ZSCAN20: variants seen among roughly 807,000 people sequenced by gnomAD.
The protein encoded by ZSCAN20 is zinc finger and SCAN domain-containing protein 20.
Under a neutral mutation model 97.1 loss-of-function variants are expected in ZSCAN20, and 39 were observed. That is an observed-to-expected ratio of 0.40 (90% CI 0.31 to 0.52). ZSCAN20 has a LOEUF of 0.52. ZSCAN20 is among the 20% of genes least tolerant of loss of function. ZSCAN20 has a pLI of 0.49. For missense variants in ZSCAN20, 1,115 were observed against 1,290.4 expected, an observed-to-expected ratio of 0.86 and a Z score of 2.08; for synonymous variants, 456 against 467.3, an observed-to-expected ratio of 0.98 and a Z score of 0.31.
Position 33,499,632 on chromosome 1 carries a change from C to T in ZSCAN20, c.*4156C>T, listed in dbSNP as rs1032059782. ...CTGCCCATTGGACTCATCTTGGACT[C>T]AGTTCTGCCAATACTTTCTCCCTTC... On this transcript the variant is annotated 3_prime_UTR_variant, in exon 8 of 8. Transcript: ENST00000684572. Among the ~76,000 whole-genome samples the T allele has an allele frequency of 1.3e-5, 2 of 152,212 alleles. No individual in the cohort carries two copies. Among genetic ancestry groups the T allele is most frequent in the African/African-American group, 4.8e-5 (2 of 41,456 alleles).
Position 33,494,705 on chromosome 1 carries a change from T to A in ZSCAN20, c.2361T>A (p.Ile787=). Residue 787 remains isoleucine, a synonymous_variant, in exon 8 of 8, where the codon ATT becomes ATA. Transcript: ENST00000684572. The part of the protein sequence containing the change: ...DHSNLITHQR[I]HTGEKPYKCG... ...CTAATCTCATCACTCACCAGAGAAT[T>A]CACACGGGGGAAAAGCCCTATAAAT... The A allele has an allele frequency of 6.2e-7, 1 of 1,613,700 alleles. No homozygotes were observed. The highest frequency in any genetic ancestry group is 8.5e-7 in the Non-Finnish European group (1 of 1,179,926).
chr1:33,492,594 G>C (rs1287926265), intron 6 of ZSCAN20: 1 of 152,072 alleles, frequency 6.6e-6, no homozygotes, highest in African/African-American at 2.4e-5. Context: ...CCAACATGGT[G>C]AAACCCTGTC....
At chr1:33,477,145 T>C (rs1557434191) in intron 1 of ZSCAN20, among the ~76,000 whole-genome samples, 1 of 152,118 alleles carries the variant, frequency 6.6e-6, no homozygotes, top group East Asian at 1.9e-4. Context: ...GGGCAGGACA[T>C]GAAAAGGGCA....
chr1:33,476,221 G>A (rs1651933976), intron 1 of ZSCAN20, among the ~76,000 whole-genome samples: 1 of 152,170 alleles, frequency 6.6e-6, no homozygotes, highest in African/African-American at 2.4e-5. Flanking sequence ...GTTCACTTCT[G>A]TGTGAAGTCA....
At chr1:33,487,487 C>T (rs535699665) in intron 2 of ZSCAN20, among the ~76,000 whole-genome samples, 120 of 149,994 alleles carry the variant, frequency 8.0e-4, no homozygotes, top group South Asian at 1.7e-3. Flanking sequence ...TTTTAAATAT[C>T]TATATCTCTG....
In ZSCAN20 at chr1:33,494,563, G is replaced by A; in HGVS notation, c.2219G>A (p.Cys740Tyr). ...CACACAGGTGAGAAGCCCTACAAATGCCTTGAATGTGGAAAAAACTTTAGT... is the reference window on the plus strand; with the variant it reads ...CACACAGGTGAGAAGCCCTACAAATACCTTGAATGTGGAAAAAACTTTAGT... ...RIHTGEKPYKCLECGKNFSDR... is the reference protein window; with the variant it reads ...RIHTGEKPYKYLECGKNFSDR... Residue 740 changes from cysteine (C) to tyrosine (Y), a missense_variant, in exon 8 of 8, where the codon TGC becomes TAC. Physicochemically the swap from Cys to Tyr is radical, Grantham distance 194. This residue lies in a region of ZSCAN20 where 554 missense variants were observed against 584.9 expected (regional missense o/e 0.95). Coordinates refer to ENST00000684572, the MANE Select transcript of ZSCAN20 (RefSeq NM_001377376.1). The A allele has an allele frequency of 6.2e-7, 1 of 1,614,036 alleles. No homozygotes were observed. The highest frequency in any genetic ancestry group is 8.5e-7 in the Non-Finnish European group (1 of 1,179,864).
In ZSCAN20 at chr1:33,493,109, G is replaced by A. The variant is rs1468813747; in HGVS notation, c.1445-78G>A. On this transcript the variant is annotated intron_variant, in intron 6 of 7. Coordinates refer to ENST00000684572, the MANE Select transcript of ZSCAN20 (RefSeq NM_001377376.1). This position sits in a 1 kb window ranked among gnomAD's most constrained non-coding sequence, Gnocchi z 4.3. ...ATGCCTATGTTCTAGGTATTTTGAA[G>A]GGCAGGTGACTTTATTCTCTGATGA... 1 of 1,417,806 alleles carries A rather than the reference G, an allele frequency of 7.1e-7. No homozygotes were observed. The highest frequency in any genetic ancestry group is 1.4e-5 in the African/African-American group (1 of 70,480). 87.8% of individuals were successfully genotyped at this position (1,417,806 alleles called of 1,614,324 possible). A position where few individuals can be genotyped will look rare whatever the true frequency, so the allele number is the denominator to read the frequency against.
Position 33,491,346 on chromosome 1 carries a change from A to G in ZSCAN20, c.1088A>G (p.Gln363Arg). The G allele has an allele frequency of 1.2e-6, 2 of 1,614,178 alleles. No individual in the cohort carries two copies. The highest frequency in any genetic ancestry group is 8.5e-7 in the Non-Finnish European group (1 of 1,180,012). Reference protein sequence around the residue: ...NRQVYRAIAEQLRARGFLRTL... With the variant: ...NRQVYRAIAERLRARGFLRTL... ...CAGGTATATCGGGCCATTGCAGAGC[A>G]GCTAAGGGCAAGGGGCTTCCTGCGG... The change falls in exon 6 of 8, where the codon CAG becomes CGG. Residue 363 changes from glutamine to arginine, a missense_variant. Physicochemically the swap from Gln to Arg is conservative, Grantham distance 43 (BLOSUM62 1). Transcript: ENST00000684572. This position sits in a 1 kb window ranked among gnomAD's most constrained non-coding sequence, Gnocchi z 4.3.
chr1:33,494,077 AT>A, intron 7 of ZSCAN20, 140 bp from the exon 8 acceptor site: 1 of 780,126 alleles, frequency 1.3e-6, no homozygotes. Flanking sequence ...TGTTAGTCAC[AT>A]TTATAAGATG....
At chr1:33,477,391 C>G (rs928298629) in intron 1 of ZSCAN20, among the ~76,000 whole-genome samples, 2 of 152,082 alleles carry the variant, frequency 1.3e-5, no homozygotes, top group African/African-American at 4.8e-5. Context: ...GTCATTCCCA[C>G]TTGGAAGCAG....
At chr1:33,482,288 CT>C (rs1329324586) in intron 2 of ZSCAN20, among the ~76,000 whole-genome samples, 6 of 152,260 alleles carry the variant, frequency 3.9e-5, no homozygotes, top group African/African-American at 1.4e-4. Flanking sequence ...ATAGTTTTGC[CT>C]TTTAAAAAAT....
rs993735777 is a variant in ZSCAN20 at position 33,493,836 on chromosome 1, G to A, written c.1873+221G>A. On this transcript the variant is annotated intron_variant, in intron 7 of 7. Transcript: ENST00000684572. The surrounding 1 kb of genome is among the most constrained non-coding windows in gnomAD (Gnocchi z 4.3). The stretch of plus-strand genomic sequence containing the variant: ...TATCTTTTACTAGGTATATCTGGGC[G>A]GTTAGAGACTTTATTCAATCCAGTA... Among the ~76,000 whole-genome samples the A allele has an allele frequency of 2.6e-5, 4 of 152,206 alleles. No individual in the cohort carries two copies. Among genetic ancestry groups the A allele is most frequent in the East Asian group, 1.9e-4 (1 of 5,204 alleles).
chr1:33,478,696 A>G (rs1417148243), intron 1 of ZSCAN20, among the ~76,000 whole-genome samples: 4 of 152,136 alleles, frequency 2.6e-5, no homozygotes, highest in African/African-American at 9.7e-5. Context: ...ATGCCAGCCA[A>G]GCTTTAAGAT....
Position 33,494,852 on chromosome 1 carries a change from T to C in ZSCAN20, c.2508T>C (p.Ser836=). 6.2e-7 allele frequency: 1 copy of C among 1,614,196 alleles called. No individual in the cohort carries two copies. Among genetic ancestry groups the C allele is most frequent in the South Asian group, 1.1e-5 (1 of 91,088 alleles). Residue 836 remains serine, a synonymous_variant, in exon 8 of 8, where the codon TCT becomes TCC. Transcript: ENST00000684572. ...GGGGAAACTTTGCCCAAAGCCCATC[T>C]TTTAGTGCTCACTGGAGGAATTCTA... ...EPGGNFAQSP[S]FSAHWRNSTE...
In ZSCAN20 at chr1:33,495,713, T is replaced by C. The variant is rs1188091795; in HGVS notation, c.*237T>C. The C allele has an allele frequency of 5.6e-6, 2 of 355,528 alleles. No homozygotes were observed. Among genetic ancestry groups the C allele is most frequent in the African/African-American group, 4.1e-5 (2 of 48,354 alleles). The allele number at this position is 355,528 out of a possible 1,614,324, so 22.0% of individuals were successfully genotyped here. A position where few individuals can be genotyped will look rare whatever the true frequency, so the allele number is the denominator to read the frequency against. ...ACCCACACAGAATCCTGACTGTCCT[T>C]GTATTTGCTATCATGTAAGAGCTGT... On this transcript the variant is annotated 3_prime_UTR_variant, in exon 8 of 8. Coordinates refer to ENST00000684572, the MANE Select transcript of ZSCAN20 (RefSeq NM_001377376.1).
Position 33,494,906 on chromosome 1 carries a change from A to G in ZSCAN20, c.2562A>G (p.Gln854=), listed in dbSNP as rs780006850. ...STEETAPEQP[Q]SISKDLNSPG... ...AAGAGACAGCTCCTGAACAACCTCAAAGTATCAGTAAGGACTTGAATTCTC... is the reference window on the plus strand; with the variant it reads ...AAGAGACAGCTCCTGAACAACCTCAGAGTATCAGTAAGGACTTGAATTCTC... The change falls in exon 8 of 8, where the codon CAA becomes CAG. Residue 854 remains glutamine, a synonymous_variant. Coordinates refer to ENST00000684572, the MANE Select transcript of ZSCAN20 (RefSeq NM_001377376.1). 7.4e-6 allele frequency: 12 copies of G among 1,614,072 alleles called. No individual in the cohort carries two copies. The highest frequency in any genetic ancestry group is 1.6e-4 in the Middle Eastern group (1 of 6,084).
At chr1:33,481,819 G>A (rs1449719150) in intron 2 of ZSCAN20, among the ~76,000 whole-genome samples, 1 of 152,040 alleles carries the variant, frequency 6.6e-6, no homozygotes, top group Non-Finnish European at 1.5e-5. Flanking sequence ...CCATCTTGTT[G>A]AATCCCCCTC....
Position 33,488,782 on chromosome 1 carries a change from C to G in ZSCAN20, c.604+131C>G. 3 of 1,002,804 alleles carry G rather than the reference C, an allele frequency of 3.0e-6. No homozygotes were observed. In the South Asian group the frequency reaches 4.8e-5, roughly 16 times the overall value. 62.1% of individuals were successfully genotyped at this position (1,002,804 alleles called of 1,614,324 possible). On this transcript the variant is annotated intron_variant, in intron 3 of 7. Coordinates refer to ENST00000684572, the MANE Select transcript of ZSCAN20 (RefSeq NM_001377376.1). ...GGGATAGGCTGCAGTGTGGTGGGCACACTTACTGAGAAGTAAGCAAGCCTC... is the reference window on the plus strand; with the variant it reads ...GGGATAGGCTGCAGTGTGGTGGGCAGACTTACTGAGAAGTAAGCAAGCCTC...
rs1428500416 is a variant in ZSCAN20 at position 33,498,967 on chromosome 1, AACT to A, written c.*3492_*3494del. ...TCTAAGGCCTTGACCTCAGCAGCTG[AACT>A]CATGGTCATGGCTGCCTTGGCCTTA... On this transcript the variant is annotated 3_prime_UTR_variant, in exon 8 of 8. Transcript: ENST00000684572. Among the ~76,000 whole-genome samples, 1 of 152,160 alleles carries A rather than the reference AACT, an allele frequency of 6.6e-6. No individual in the cohort carries two copies. The highest frequency in any genetic ancestry group is 2.4e-5 in the African/African-American group (1 of 41,436).
Sources: allele counts gnomAD v4.1 joint callset (sites outside exome capture counted in the v4.1 genomes callset), GRCh38; gene constraint gnomAD v4.1.1; regional missense constraint gnomAD v4.1.1; non-coding constraint Gnocchi (gnomAD v3.1); transcripts MANE v1.5; gene names NCBI Gene and HGNC (gene_info 2026-07-23, HGNC 2026-07-21).